The following HPD variants were observed in gnomAD, a reference collection of about 807,000 sequenced individuals.
The protein encoded by HPD is 4-hydroxyphenylpyruvate dioxygenase.
A neutral mutation model predicts 56.9 loss-of-function variants in HPD; 35 were observed. That is an observed-to-expected ratio of 0.62 (90% CI 0.47 to 0.82). HPD has a LOEUF of 0.82. HPD is among the 40% of genes least tolerant of loss of function. The pLI is 0.00. For synonymous variants in HPD, 186 were observed against 200.2 expected, an observed-to-expected ratio of 0.93 and a Z score of 0.60; for missense variants, 442 against 506.8, an observed-to-expected ratio of 0.87 and a Z score of 1.23.
At chr12:121,856,289 C>G (rs951561907) in intron 6 of HPD, 35 bp downstream of exon 6, 6 of 1,560,300 alleles carry the variant, frequency 3.8e-6, no homozygotes, top group African/African-American at 1.4e-5. Context: ...CAGACGGAGG[C>G]CTTCCTCTCT....
intron 8 of HPD, among the ~76,000 whole-genome samples, 171 bp from the exon 9 acceptor site, chr12:121,849,247 C>T (rs1486168781): frequency 6.6e-6 from 1 of 151,424 alleles, no homozygotes; most frequent in Non-Finnish European, 1.5e-5. Flanking sequence ...CCAGGTTGGT[C>T]TAAAACTCTG....
At chr12:121,850,443 T>G (rs1240227458) in intron 7 of HPD, among the ~76,000 whole-genome samples, 1 of 146,830 alleles carries the variant, frequency 6.8e-6, no homozygotes, top group Non-Finnish European at 1.5e-5. Flanking sequence ...AAAATTATAC[T>G]GAAGAGTTCT....
intron 8 of HPD, among the ~76,000 whole-genome samples, chr12:121,849,321 C>T (rs553713301): frequency 6.6e-6 from 1 of 151,986 alleles, no homozygotes; most frequent in Non-Finnish European, 1.5e-5. Context: ...TGAGCCACTG[C>T]GCCTGGACTC....
the HPD span, among the ~76,000 whole-genome samples, chr12:121,884,175 T>C: frequency 1.1e-4 from 17 of 148,454 alleles, no homozygotes; most frequent in Non-Finnish European, 2.0e-4. Flanking sequence ...TCCTCTCTTT[T>C]TTTTTTTTTT....
Position 121,856,567 on chromosome 12 carries a change from T to C in HPD, c.241+16A>G. 1 of 1,613,150 alleles carries C rather than the reference T, an allele frequency of 6.2e-7. No individual in the cohort carries two copies. The highest frequency in any genetic ancestry group is 8.5e-7 in the Non-Finnish European group (1 of 1,179,422). On this transcript the variant is annotated intron_variant, in intron 5 of 13. Transcript: ENST00000289004. Reference sequence around the variant, plus strand: ...CACCCACAGAGCCATGCGTCCACCCTCCCCGGGCACCTCACCTTTGTTCCA... The same window carrying C: ...CACCCACAGAGCCATGCGTCCACCCCCCCCGGGCACCTCACCTTTGTTCCA...
At chr12:121,868,399 A>G (rs1453646998), upstream of HPD, among the ~76,000 whole-genome samples, 2 of 152,140 alleles carry the variant, frequency 1.3e-5, no homozygotes, top group Non-Finnish European at 2.9e-5. Flanking sequence ...GCTGGAGTGC[A>G]GTGGCGCGAT....
In HPD at chr12:121,857,389, G is replaced by A; in HGVS notation, c.137C>T (p.Ala46Val). Residue 46 changes from alanine (A) to valine (V), a missense_variant, in exon 4 of 14, where the codon GCC (alanine) becomes GTC (valine). Physicochemically the swap from Ala to Val is moderately conservative, Grantham distance 64. Transcript: ENST00000289004. ...GGAACCGGTCTCCAGGCCCCTGTAG[G>A]CTAGAGGTTCAAAGCCCATCTTGCT... ...YCSKMGFEPL[A>V]YRGLETGSRE... 1 of 1,614,040 alleles carries A rather than the reference G, an allele frequency of 6.2e-7. No individual in the cohort carries two copies.
chr12:121,888,043 T>C, the HPD span, among the ~76,000 whole-genome samples: 28 of 152,196 alleles, frequency 1.8e-4, no homozygotes, highest in Admixed American at 7.2e-4. Flanking sequence ...AGCTGTCAAA[T>C]TGGGATGTAA....
chr12:121,855,488 T>G (rs915439252), intron 6 of HPD, among the ~76,000 whole-genome samples: 11 of 152,058 alleles, frequency 7.2e-5, no homozygotes, highest in African/African-American at 2.7e-4. Context: ...GAGGCCGAGG[T>G]GGGTGGATCA....
intron 2 of HPD, among the ~76,000 whole-genome samples, chr12:121,858,183 A>G (rs916833068): frequency 1.3e-5 from 2 of 152,028 alleles, no homozygotes; most frequent in Admixed American, 1.3e-4. Flanking sequence ...TGTTTCTGAG[A>G]TGGAGTTTTG....
At chr12:121,870,950 T>C in the HPD span, among the ~76,000 whole-genome samples, 1 of 152,102 alleles carries the variant, frequency 6.6e-6, no homozygotes, top group Non-Finnish European at 1.5e-5. Context: ...AAGCTTGCTC[T>C]GCTCTAGGTG....
upstream of HPD, among the ~76,000 whole-genome samples, chr12:121,865,430 C>A (rs148940415): frequency 6.6e-6 from 1 of 150,848 alleles, no homozygotes; most frequent in Non-Finnish European, 1.5e-5. Flanking sequence ...CCACCACACC[C>A]GGCTATTTTT....
At chr12:121,843,416 G>A (rs1239745702) in intron 12 of HPD, among the ~76,000 whole-genome samples, 1 of 152,218 alleles carries the variant, frequency 6.6e-6, no homozygotes, top group Non-Finnish European at 1.5e-5. Flanking sequence ...TCCCGCTCAT[G>A]ATCTAGACTT....
chr12:121,871,102 C>G, the HPD span, among the ~76,000 whole-genome samples: 17 of 152,164 alleles, frequency 1.1e-4, no homozygotes, highest in African/African-American at 3.9e-4. Context: ...TGGATCTAGG[C>G]TGTAATCCCC....
At chr12:121,859,959 G>C (rs1262401884), upstream of HPD, among the ~76,000 whole-genome samples, 2 of 152,186 alleles carry the variant, frequency 1.3e-5, no homozygotes, top group African/African-American at 4.8e-5. Context: ...AGGAGTTTGA[G>C]ACCAGCCTGG....
the HPD span, among the ~76,000 whole-genome samples, chr12:121,868,891 T>C: frequency 2.0e-5 from 3 of 152,232 alleles, no homozygotes; most frequent in Admixed American, 6.6e-5. Context: ...TTGTTTGTTT[T>C]CTTACTTTTG....
At chr12:121,857,670 A>C (rs1184980376) in intron 3 of HPD, 87 bp downstream of exon 3, 2 of 1,197,702 alleles carry the variant, frequency 1.7e-6, no homozygotes, top group Admixed American at 1.7e-5. Flanking sequence ...CCAAGGGCCA[A>C]TCACAGACCC....
At position 121,839,543 on chromosome 12, in the gene HPD, T is replaced by C; in HGVS notation, c.*185A>G. ...GACACAGTATTGGACCGGGGCACGC[T>C]TTAATCGGGAGGGCTGGAGCAGAGG... On this transcript the variant is annotated 3_prime_UTR_variant, in exon 14 of 14. Coordinates refer to ENST00000289004, the MANE Select transcript of HPD (RefSeq NM_002150.3). 1.6e-6 allele frequency: 1 copy of C among 629,596 alleles called. No homozygotes were observed. The highest frequency in any genetic ancestry group is 2.8e-6 in the Non-Finnish European group (1 of 352,518). 39.0% of individuals were successfully genotyped at this position (629,596 alleles called of 1,614,324 possible).
chr12:121,840,746 T>C (rs1174951700), intron 12 of HPD, among the ~76,000 whole-genome samples: 2 of 151,352 alleles, frequency 1.3e-5, no homozygotes, highest in African/African-American at 4.9e-5. Context: ...AAGTTAAACA[T>C]ATAGTGTTGC....
Sources: gnomAD v4.1 joint callset for allele counts (sites outside exome capture counted in the v4.1 genomes callset) on GRCh38, gnomAD v4.1.1 for gene constraint, MANE v1.5 for transcripts, NCBI Gene and HGNC (gene_info 2026-07-23, HGNC 2026-07-21) for gene names.